R3HDM2: variants seen among roughly 807,000 people sequenced by gnomAD.
R3HDM2 encodes the protein R3H domain-containing protein 2.
In R3HDM2, 38 loss-of-function variants were observed where a neutral mutation model predicts 124.5. The ratio of observed to expected loss-of-function variants is 0.31; its 90% CI spans 0.24 to 0.40. The LOEUF (loss-of-function observed/expected upper bound fraction) is 0.40, where lower values mean the gene tolerates loss of function less well. Ranked by LOEUF, R3HDM2 falls within the 10% of genes least tolerant of loss-of-function variation. The pLI is 1.00. For missense variants in R3HDM2, 869 were observed against 1,236.9 expected (o/e 0.70, Z 4.46); for synonymous variants, 391 against 448.0 (o/e 0.87, Z 1.61).
At chr12:57,288,554 C>T (rs1320331019) in intron 12 of R3HDM2, among the ~76,000 whole-genome samples, 2 of 152,034 alleles carry the variant, frequency 1.3e-5, no homozygotes, top group Non-Finnish European at 2.9e-5. Context: ...ATGTTTGAAT[C>T]TTTCAAAAAT....
intron 2 of R3HDM2, among the ~76,000 whole-genome samples, chr12:57,349,587 G>A (rs1033208424): frequency 6.7e-6 from 1 of 148,978 alleles, no homozygotes; most frequent in Non-Finnish European, 1.5e-5. Flanking sequence ...TTGAGACAGA[G>A]TCTCGCTCTG....
At chr12:57,411,812 T>C (rs2069028470) in intron 1 of R3HDM2, among the ~76,000 whole-genome samples, 1 of 152,224 alleles carries the variant, frequency 6.6e-6, no homozygotes, top group Non-Finnish European at 1.5e-5. Context: ...TTAGGCTTTG[T>C]ATCCCCACCC....
At chr12:57,340,898 C>T (rs78526339) in intron 2 of R3HDM2, among the ~76,000 whole-genome samples, 7,590 of 127,464 alleles carry the variant, frequency 0.06, 628 homozygotes, top group African/African-American at 0.2. Context: ...ATACTCAATC[C>T]AAAAAAAAAA....
At chr12:57,394,327 C>T (rs568059318) in intron 2 of R3HDM2, among the ~76,000 whole-genome samples, 25 of 151,490 alleles carry the variant, frequency 1.7e-4, no homozygotes, top group African/African-American at 5.1e-4. Context: ...AATGGCACAG[C>T]GGGCACGGTG....
At chr12:57,302,791 GA>G (rs535562172) in intron 4 of R3HDM2, among the ~76,000 whole-genome samples, 1,243 of 124,154 alleles carry the variant, frequency 0.01, 4 homozygotes, top group Admixed American at 0.014. Flanking sequence ...AACTCACAAG[GA>G]AAAAAAAAAA....
intron 1 of R3HDM2, among the ~76,000 whole-genome samples, chr12:57,427,611 A>G (rs181719138): frequency 1.3e-5 from 2 of 152,058 alleles, no homozygotes; most frequent in Non-Finnish European, 2.9e-5. Context: ...TGGCCTCCCA[A>G]AGTGCTGGGA....
chr12:57,395,159 C>T (rs776659414), intron 2 of R3HDM2, among the ~76,000 whole-genome samples: 21 of 150,336 alleles, frequency 1.4e-4, no homozygotes, highest in Non-Finnish European at 2.4e-4. Flanking sequence ...GCTGAGATCA[C>T]GCCATTGCAC....
intron 2 of R3HDM2, among the ~76,000 whole-genome samples, chr12:57,321,576 G>A (rs905988527): frequency 4.6e-5 from 7 of 152,118 alleles, no homozygotes; most frequent in South Asian, 2.1e-4. Context: ...TGCCTGAACC[G>A]GGAGGCAGAG....
intron 3 of R3HDM2, chr12:57,305,732 T>C: frequency 2.5e-6 from 1 of 398,284 alleles, no homozygotes; most frequent in Non-Finnish European, 4.4e-6. Context: ...ACTCATGGAG[T>C]GCTACAGGAG....
At chr12:57,264,283 G>C (rs2041720029) in intron 19 of R3HDM2, among the ~76,000 whole-genome samples, 1 of 144,584 alleles carries the variant, frequency 6.9e-6, no homozygotes, top group Non-Finnish European at 1.5e-5. Context: ...GGGCTGGGAA[G>C]CTGGCTCAAC....
chr12:57,396,643 T>C (rs1189600418), intron 1 of R3HDM2, among the ~76,000 whole-genome samples: 3 of 151,360 alleles, frequency 2.0e-5, no homozygotes, highest in African/African-American at 7.3e-5. Flanking sequence ...GCCAAGTGTG[T>C]TGGCGGGCGC....
At chr12:57,259,441 C>T (rs748001419) in intron 19 of R3HDM2, among the ~76,000 whole-genome samples, 34 of 152,242 alleles carry the variant, frequency 2.2e-4, no homozygotes, top group Admixed American at 7.2e-4. Flanking sequence ...GGGCTGCAGA[C>T]ACGTGCAGGC....
intron 14 of R3HDM2, among the ~76,000 whole-genome samples, chr12:57,277,520 C>A (rs10783820): frequency 0.43 from 65,738 of 151,296 alleles, 15,009 homozygotes; most frequent in South Asian, 0.52. Context: ...CTCACTGCAA[C>A]CTCCACCTCC....
chr12:57,264,557 G>A (rs1286059874), intron 19 of R3HDM2, among the ~76,000 whole-genome samples: 2 of 151,130 alleles, frequency 1.3e-5, no homozygotes, highest in East Asian at 3.9e-4. Context: ...GGGTGACAGA[G>A]CAAGACTCTG....
At position 57,401,056 on chromosome 12, in the gene R3HDM2, T is replaced by C. The variant is rs139060135; in HGVS notation, c.-105-5238A>G. Among the ~76,000 whole-genome samples the C allele has an allele frequency of 4.2e-4, 63 of 151,746 alleles. No individual in the cohort carries two copies. The East Asian group carries it at 0.012, about 29-fold the overall frequency. On this transcript the variant is annotated intron_variant, in intron 1 of 23. Coordinates refer to ENST00000402412, the MANE Select transcript of R3HDM2 (RefSeq NM_001394031.1). ...ATAAAAACAAGCAGAAAACATCCATTTCATTTAAAAAGAATGAAAGAGAGA... is the reference window on the plus strand; with the variant it reads ...ATAAAAACAAGCAGAAAACATCCATCTCATTTAAAAAGAATGAAAGAGAGA...
intron 2 of R3HDM2, among the ~76,000 whole-genome samples, chr12:57,316,733 G>A (rs2139287664): frequency 6.6e-6 from 1 of 150,802 alleles, no homozygotes; most frequent in South Asian, 2.1e-4. Context: ...TTACAGGCAT[G>A]CACCACCACG....
At chr12:57,267,353 G>A (rs144872522) in intron 18 of R3HDM2, among the ~76,000 whole-genome samples, 1,659 of 152,256 alleles carry the variant, frequency 0.011, 23 homozygotes, top group African/African-American at 0.039. Context: ...TCAGGAGTTC[G>A]AGACCAACCT....
At chr12:57,370,990 G>T (rs993645708) in intron 2 of R3HDM2, among the ~76,000 whole-genome samples, 2 of 147,496 alleles carry the variant, frequency 1.4e-5, no homozygotes, top group Non-Finnish European at 3.0e-5. Context: ...GAACTGATTA[G>T]AAGCAGCAAC....
intron 1 of R3HDM2, among the ~76,000 whole-genome samples, chr12:57,401,181 A>G (rs184123038): frequency 1.4e-5 from 2 of 141,704 alleles, no homozygotes; most frequent in East Asian, 4.0e-4. Flanking sequence ...AGTTCGTCTC[A>G]AAAAAAAAAA....
Sources: allele counts gnomAD v4.1 joint callset (sites outside exome capture counted in the v4.1 genomes callset), GRCh38; gene constraint gnomAD v4.1.1; transcripts MANE v1.5; gene names NCBI Gene and HGNC (gene_info 2026-07-23, HGNC 2026-07-21).